CCDC50: variants seen among roughly 807,000 people sequenced by gnomAD.
The protein encoded by CCDC50 is coiled-coil domain containing 50, also known as coiled-coil domain-containing protein 50.
In CCDC50, 54 loss-of-function variants were observed where a neutral mutation model predicts 70.2. That is an observed-to-expected ratio of 0.77 (90% CI 0.62 to 0.96). The LOEUF (loss-of-function observed/expected upper bound fraction) is 0.96. CCDC50 is among the 50% of genes least tolerant of loss of function. The probability of loss-of-function intolerance (pLI) is 0.00; values close to 1 mark genes in which losing one functional copy is unlikely to be tolerated. For missense variants in CCDC50, 558 were observed against 578.7 expected, an observed-to-expected ratio of 0.96 and a Z score of 0.37; for synonymous variants, 216 against 198.8, an observed-to-expected ratio of 1.09 and a Z score of -0.73.
intron 1 of CCDC50, among the ~76,000 whole-genome samples, chr3:191,329,930 C>T (rs1306989239): frequency 3.0e-5 from 2 of 67,214 alleles, no homozygotes; most frequent in African/African-American, 7.0e-5. Context: ...CGTTTTTTCT[C>T]AAGGGGGTGG....
intron 1 of CCDC50, among the ~76,000 whole-genome samples, chr3:191,345,761 A>C (rs1357164188): frequency 6.6e-6 from 1 of 151,898 alleles, no homozygotes; most frequent in Non-Finnish European, 1.5e-5. Flanking sequence ...ACTCAGGAAC[A>C]TACTTTGATA....
intron 11 of CCDC50, among the ~76,000 whole-genome samples, chr3:191,391,254 A>G (rs918826099): frequency 6.6e-6 from 1 of 152,202 alleles, no homozygotes; most frequent in South Asian, 2.1e-4. Flanking sequence ...TAAAAATACC[A>G]TCGCAAAAAT....
chr3:191,355,354 A>G (rs761846662), intron 1 of CCDC50, among the ~76,000 whole-genome samples: 10 of 152,232 alleles, frequency 6.6e-5, no homozygotes, highest in Non-Finnish European at 1.3e-4. Context: ...AAGTCCGTGT[A>G]TGTCTTACCC....
chr3:191,341,351 A>G (rs934571218), intron 1 of CCDC50, among the ~76,000 whole-genome samples: 3 of 152,178 alleles, frequency 2.0e-5, no homozygotes, highest in African/African-American at 7.2e-5. Context: ...TAGTCCTCAC[A>G]ACATTTATCC....
Position 191,372,201 on chromosome 3 carries a change from T to A in CCDC50, c.448+2165T>A, listed in dbSNP as rs148726659. Among the ~76,000 whole-genome samples, 8 of 152,302 alleles carry A rather than the reference T, an allele frequency of 5.3e-5. 1 individual carries two copies. The East Asian group carries it at 1.5e-3, about 29-fold the overall frequency. Reference sequence around the variant, plus strand: ...CACATAAAAGCTTTTAAAAGTATTTTATATTTATTTTAATTACTCCGATAA... The same window carrying A: ...CACATAAAAGCTTTTAAAAGTATTTAATATTTATTTTAATTACTCCGATAA... On this transcript the variant is annotated intron_variant, in intron 5 of 11. Coordinates refer to ENST00000392455, the MANE Select transcript of CCDC50 (RefSeq NM_178335.3).
At chr3:191,354,391 C>G (rs551388860) in intron 1 of CCDC50, among the ~76,000 whole-genome samples, 1 of 152,072 alleles carries the variant, frequency 6.6e-6, no homozygotes, top group South Asian at 2.1e-4. Flanking sequence ...TATCTACAAA[C>G]TATATTTTAA....
At chr3:191,355,037 A>G (rs1049617494) in intron 1 of CCDC50, among the ~76,000 whole-genome samples, 1 of 152,128 alleles carries the variant, frequency 6.6e-6, no homozygotes, top group Non-Finnish European at 1.5e-5. Context: ...ACTCAGGGCT[A>G]TGAGAGCCAA....
chr3:191,381,131 C>A (rs149102514), intron 9 of CCDC50, among the ~76,000 whole-genome samples, 199 bp downstream of exon 9: 2 of 152,102 alleles, frequency 1.3e-5, no homozygotes, highest in African/African-American at 4.8e-5. Context: ...TAAAAAGTTA[C>A]TGCTAAGATT....
chr3:191,395,391 A>G lies in CCDC50; in HGVS notation c.*3631A>G, dbSNP rs924413259. 3 of 152,196 alleles carry G rather than the reference A, an allele frequency of 2.0e-5. No homozygotes were observed. Among genetic ancestry groups the G allele is most frequent in the African/African-American group, 7.2e-5 (3 of 41,454 alleles). 9.4% of individuals were successfully genotyped at this position (152,196 alleles called of 1,614,324 possible). ...TTGTGCCAAATTGGAAATACCCACT[A>G]TAATATGGTGCATTCAGTTTACTCC... On this transcript the variant is annotated 3_prime_UTR_variant, in exon 12 of 12. Coordinates refer to ENST00000392455, the MANE Select transcript of CCDC50 (RefSeq NM_178335.3).
intron 1 of CCDC50, among the ~76,000 whole-genome samples, chr3:191,353,815 A>G (rs1246450250): frequency 6.7e-6 from 1 of 148,906 alleles, no homozygotes; most frequent in Non-Finnish European, 1.5e-5. Context: ...TGACAATACA[A>G]CTCTCTGTGT....
intron 6 of CCDC50, among the ~76,000 whole-genome samples, chr3:191,379,912 TGA>T (rs1260870107): frequency 6.6e-6 from 1 of 152,088 alleles, no homozygotes; most frequent in East Asian, 1.9e-4. Flanking sequence ...AGAAACTATG[TGA>T]GAGGGGACTT....
chr3:191,376,569 A>G (rs1344187212), intron 6 of CCDC50, among the ~76,000 whole-genome samples: 1 of 152,120 alleles, frequency 6.6e-6, no homozygotes, highest in African/African-American at 2.4e-5. Context: ...GATTCAGGTT[A>G]AGTTGGTTTT....
At chr3:191,378,801 C>T (rs1162977636) in intron 6 of CCDC50, among the ~76,000 whole-genome samples, 2 of 151,844 alleles carry the variant, frequency 1.3e-5, no homozygotes, top group Admixed American at 1.3e-4. Context: ...AAGCCCAGCC[C>T]AGCATAAGAC....
chr3:191,363,592 G>T (rs1038315080), intron 4 of CCDC50, among the ~76,000 whole-genome samples: 1 of 152,202 alleles, frequency 6.6e-6, no homozygotes, highest in Non-Finnish European at 1.5e-5. Flanking sequence ...GTTATAGAGA[G>T]ATATGTGCTG....
chr3:191,348,139 G>T (rs1465809702), intron 1 of CCDC50, among the ~76,000 whole-genome samples: 2 of 142,348 alleles, frequency 1.4e-5, no homozygotes, highest in African/African-American at 2.5e-5. Flanking sequence ...CTGTATGTTT[G>T]TGAGTCAGCT....
At position 191,362,706 on chromosome 3, in the gene CCDC50, A is replaced by G. The variant is rs182061764; in HGVS notation, c.330+1547A>G. On this transcript the variant is annotated intron_variant, in intron 4 of 11. Transcript: ENST00000392455. ...AATAGATATGATCAGGGTCATCAGT[A>G]AACAGCCTACATACACTGCTACTCC... 1.8e-3 allele frequency among the ~76,000 whole-genome samples: 277 copies of G among 152,342 alleles called. 2 individuals carry two copies. In the Middle Eastern group the frequency reaches 0.02, roughly 11 times the overall value.
At chr3:191,369,125 G>A (rs1302127675) in intron 4 of CCDC50, among the ~76,000 whole-genome samples, 1 of 134,408 alleles carries the variant, frequency 7.4e-6, no homozygotes, top group Non-Finnish European at 1.7e-5. Flanking sequence ...CTCTGCTGAT[G>A]TTTTCTTTTT....
At position 191,392,400 on chromosome 3, in the gene CCDC50, TC is replaced by T. The variant is rs1249056267; in HGVS notation, c.*642del. ...TGCTTTTGCCTCAGTAGCAAGGCTTTCCTAAGCTCCTGGGCAATGGAACATT... is the reference window on the plus strand; with the variant it reads ...TGCTTTTGCCTCAGTAGCAAGGCTTTCTAAGCTCCTGGGCAATGGAACATT... On this transcript the variant is annotated 3_prime_UTR_variant, in exon 12 of 12. Transcript: ENST00000392455. 6.6e-6 allele frequency: 1 copy of T among 152,254 alleles called. No individual in the cohort carries two copies. The highest frequency in any genetic ancestry group is 1.5e-5 in the Non-Finnish European group (1 of 68,066). 9.4% of individuals were successfully genotyped at this position (152,254 alleles called of 1,614,324 possible).
intron 1 of CCDC50, among the ~76,000 whole-genome samples, chr3:191,340,297 C>T (rs879787992): frequency 2.6e-5 from 4 of 152,126 alleles, no homozygotes; most frequent in Admixed American, 2.6e-4. Flanking sequence ...AATTTGCTTG[C>T]GCCTTATATA....
Sources: gnomAD v4.1 joint callset for allele counts (sites outside exome capture counted in the v4.1 genomes callset) on GRCh38, gnomAD v4.1.1 for gene constraint, MANE v1.5 for transcripts, NCBI Gene and HGNC (gene_info 2026-07-23, HGNC 2026-07-21) for gene names.